The following ZFHX3 variants were observed in gnomAD, a reference collection of about 807,000 sequenced individuals.
ZFHX3 encodes the protein zinc finger homeobox 3.
ZFHX3 carries 42 observed loss-of-function variants against 279.1 expected under a neutral mutation model. The ratio of observed to expected loss-of-function variants is 0.15; its 90% CI spans 0.12 to 0.19. ZFHX3 has a LOEUF of 0.19. ZFHX3 is among the 10% of genes least tolerant of loss of function. ZFHX3 has a pLI of 1.00. For missense variants in ZFHX3, 4,981 were observed against 4,754.0 expected, an observed-to-expected ratio of 1.05 and a Z score of -1.40; for synonymous variants, 2,293 against 1,957.8, an observed-to-expected ratio of 1.17 and a Z score of -4.52.
intron 3 of ZFHX3, among the ~76,000 whole-genome samples, chr16:73,373,920 A>T (rs1023997315): frequency 6.6e-6 from 1 of 152,260 alleles, no homozygotes; most frequent in African/African-American, 2.4e-5. Context: ...CTGCTAAAAT[A>T]AATGCTATGT....
intron 2 of ZFHX3, among the ~76,000 whole-genome samples, chr16:73,651,311 G>A (rs1240224291): frequency 6.6e-6 from 1 of 151,780 alleles, no homozygotes; most frequent in Non-Finnish European, 1.5e-5. Context: ...TCTATTTTAT[G>A]GGAGTTCTAA....
At chr16:73,047,114 C>T (rs1260081798) in intron 1 of ZFHX3, among the ~76,000 whole-genome samples, 3 of 152,316 alleles carry the variant, frequency 2.0e-5, no homozygotes, top group East Asian at 1.9e-4. Context: ...TCCAAGCCTA[C>T]AATGCTTCTT....
At chr16:73,267,889 A>C (rs1441374558) in intron 4 of ZFHX3, among the ~76,000 whole-genome samples, 2 of 152,142 alleles carry the variant, frequency 1.3e-5, no homozygotes, top group South Asian at 4.1e-4. Context: ...GAAGTAATTC[A>C]GGGCCCCAGG....
At chr16:73,545,944 C>T (rs1449228444) in intron 2 of ZFHX3, among the ~76,000 whole-genome samples, 4 of 152,152 alleles carry the variant, frequency 2.6e-5, no homozygotes, top group Non-Finnish European at 5.9e-5. Flanking sequence ...ACAGCTCAGC[C>T]TAAACAATGA....
chr16:72,802,151 G>C (rs538933607), intron 7 of ZFHX3, among the ~76,000 whole-genome samples: 1 of 152,158 alleles, frequency 6.6e-6, no homozygotes, highest in East Asian at 1.9e-4. Flanking sequence ...GACTCAGTAC[G>C]ACGGATCAGT....
At position 72,929,381 on chromosome 16, in the gene ZFHX3, G is replaced by A. The variant is rs150924398; in HGVS notation, c.3216+21088C>T. On this transcript the variant is annotated intron_variant, in intron 3 of 9. Coordinates refer to ENST00000268489, the MANE Select transcript of ZFHX3 (RefSeq NM_006885.4). ...GAGGTCCACCCGGGGGTGAGGGACT[G>A]GTGAAAGGGATGCAAAAGCTAAGTT... is the stretch of plus-strand genomic sequence containing the variant. Among the ~76,000 whole-genome samples the A allele has an allele frequency of 3.7e-4, 56 of 152,290 alleles. No homozygotes were observed. In the East Asian group the frequency reaches 0.01, roughly 28 times the overall value.
In ZFHX3 at chr16:73,349,601, TCTCCCTTACTTCCTCC is replaced by T. The variant is rs1361469309; in HGVS notation, c.-1290-31281_-1290-31266del. ...GCTTGTCTATCGCTTTACCTCTCTCTCTCCCTTACTTCCTCCCTCCCTTCCTCCCTCCCTCCCTCCC... is the reference window on the plus strand; with the variant it reads ...GCTTGTCTATCGCTTTACCTCTCTCTCTCCCTTCCTCCCTCCCTCCCTCCC... On this transcript the variant is annotated intron_variant, in intron 3 of 17. Transcript: ENST00000641206. Among the ~76,000 whole-genome samples the T allele has an allele frequency of 3.1e-3, 436 of 142,302 alleles. 1 individual carries two copies. The highest frequency in any genetic ancestry group is 0.013 in the African/African-American group (417 of 33,296). The allele number at this position is 142,302 out of a possible 152,430, so 93.4% of individuals were successfully genotyped here.
chr16:73,739,315 G>A (rs964000333), intron 1 of ZFHX3, among the ~76,000 whole-genome samples: 8 of 152,148 alleles, frequency 5.3e-5, no homozygotes, highest in African/African-American at 1.9e-4. Context: ...TTAGAACAGG[G>A]TTTCTCAATT....
At position 72,960,197 on chromosome 16, in the gene ZFHX3, G is replaced by C. The variant is rs1961506832; in HGVS notation, c.-49-3C>G. The C allele has an allele frequency of 6.7e-7, 1 of 1,492,424 alleles. No homozygotes were observed. The allele number at this position is 1,492,424 out of a possible 1,614,324, so 92.4% of individuals were successfully genotyped here. ...GCACCCAGTACGGAGGCTCGGACCT[G>C]AAGGGCAGAGGCAAGGGGGGAGGAG... On this transcript the variant is annotated splice_polypyrimidine_tract_variant and splice_region_variant and intron_variant, in intron 1 of 9. Transcript: ENST00000268489.
Position 73,692,672 on chromosome 16 carries a change from C to T in ZFHX3, c.-1607-12432G>A, listed in dbSNP as rs550161347. 1.4e-4 allele frequency among the ~76,000 whole-genome samples: 21 copies of T among 152,242 alleles called. No individual in the cohort carries two copies. In the South Asian group the frequency reaches 3.1e-3, roughly 23 times the overall value. On this transcript the variant is annotated intron_variant, in intron 1 of 17. Coordinates refer to the ZFHX3 transcript ENST00000641206. The stretch of plus-strand genomic sequence containing the variant: ...AAGTGCAAATACTTTGGGATCGATA[C>T]GTTAGAGTTCACGATGGAACAATTT...
chr16:73,561,357 T>A (rs1003439046), intron 2 of ZFHX3, among the ~76,000 whole-genome samples: 4 of 152,236 alleles, frequency 2.6e-5, no homozygotes, highest in Admixed American at 6.5e-5. Context: ...TTACCACTTT[T>A]ACTGCATATA....
At chr16:73,478,786 C>G (rs2018814042) in intron 2 of ZFHX3, among the ~76,000 whole-genome samples, 1 of 152,296 alleles carries the variant, frequency 6.6e-6, no homozygotes, top group South Asian at 2.1e-4. Context: ...GGCGCGGTGG[C>G]TCCAGCCTGT....
chr16:73,879,051 G>A (rs949694619), intron 1 of ZFHX3, among the ~76,000 whole-genome samples: 1 of 150,686 alleles, frequency 6.6e-6, no homozygotes, highest in Non-Finnish European at 1.5e-5. Context: ...AATTTCCAGC[G>A]AAAGCCTCTC....
At chr16:73,117,129 A>G (rs907310409) in intron 7 of ZFHX3, among the ~76,000 whole-genome samples, 1 of 152,248 alleles carries the variant, frequency 6.6e-6, no homozygotes, top group South Asian at 2.1e-4. Flanking sequence ...TTAGTGGACT[A>G]TAAACTCAAT....
At chr16:72,921,979 C>T (rs547722267) in intron 3 of ZFHX3, among the ~76,000 whole-genome samples, 1 of 152,344 alleles carries the variant, frequency 6.6e-6, no homozygotes, top group African/African-American at 2.4e-5. Context: ...AGACAGCTCC[C>T]ACACCAAACT....
chr16:73,504,001 G>T (rs2019281188), intron 2 of ZFHX3, among the ~76,000 whole-genome samples: 1 of 152,108 alleles, frequency 6.6e-6, no homozygotes, highest in Admixed American at 6.6e-5. Context: ...GTGGAAAAGG[G>T]GCATAAATGG....
At chr16:73,712,801 T>C (rs1225890545) in intron 1 of ZFHX3, among the ~76,000 whole-genome samples, 1 of 152,230 alleles carries the variant, frequency 6.6e-6, no homozygotes, top group African/African-American at 2.4e-5. Flanking sequence ...ATATATAATC[T>C]TGGCTGCCCA....
At chr16:72,993,633 C>CTTTAT in intron 1 of ZFHX3, among the ~76,000 whole-genome samples, 2 of 152,252 alleles carry the variant, frequency 1.3e-5, no homozygotes, top group Admixed American at 1.3e-4. Flanking sequence ...TAAGAAAACC[C>CTTTAT]TTTATTTTTC....
At chr16:73,087,885 T>C (rs1040624706) in intron 8 of ZFHX3, among the ~76,000 whole-genome samples, 2 of 151,702 alleles carry the variant, frequency 1.3e-5, no homozygotes, top group African/African-American at 4.8e-5. Context: ...TGGAGTGCAG[T>C]GATATGGTCT....
Sources: gnomAD v4.1 joint callset for allele counts (sites outside exome capture counted in the v4.1 genomes callset) on GRCh38, gnomAD v4.1.1 for gene constraint, MANE v1.5 for transcripts, NCBI Gene and HGNC (gene_info 2026-07-23, HGNC 2026-07-21) for gene names.